ACSS3: variants seen among roughly 807,000 people sequenced by gnomAD.
ACSS3 encodes acyl-CoA synthetase short chain family member 3, also known as acyl-CoA synthetase short-chain family member 3, mitochondrial.
A neutral mutation model predicts 84.2 loss-of-function variants in ACSS3; 64 were observed. That is an observed-to-expected ratio of 0.76 (90% CI 0.62 to 0.94). ACSS3 has a LOEUF of 0.94. Among genes scored for constraint, ACSS3 ranks in the 40% least tolerant of loss-of-function variants. The pLI is 0.00. For missense variants in ACSS3, 815 were observed against 867.6 expected (o/e 0.94, Z 0.76); for synonymous variants, 317 against 310.1 (o/e 1.02, Z -0.23).
chr12:81,169,712 T>C (rs562449862), intron 7 of ACSS3, among the ~76,000 whole-genome samples: 105 of 152,288 alleles, frequency 6.9e-4, no homozygotes, highest in African/African-American at 2.5e-3. Context: ...GATAACTGCT[T>C]ATGTTTTAAC....
At chr12:81,133,000 T>C (rs1227819519) in intron 2 of ACSS3, among the ~76,000 whole-genome samples, 1 of 152,136 alleles carries the variant, frequency 6.6e-6, no homozygotes, top group African/African-American at 2.4e-5. Flanking sequence ...AGTTCATGAT[T>C]TTTATTACTT....
chr12:81,107,557 T>A (rs1383461999), intron 1 of ACSS3, among the ~76,000 whole-genome samples: 3 of 118,664 alleles, frequency 2.5e-5, no homozygotes, highest in South Asian at 5.4e-4. Flanking sequence ...TATATATATA[T>A]ATAAATGTTT....
At chr12:81,170,460 A>G (rs2029948213) in intron 7 of ACSS3, among the ~76,000 whole-genome samples, 1 of 152,124 alleles carries the variant, frequency 6.6e-6, no homozygotes, top group African/African-American at 2.4e-5. Flanking sequence ...GTTAAATTTT[A>G]TAGTTTCTAA....
chr12:81,093,442 G>A (rs549980726), intron 1 of ACSS3, among the ~76,000 whole-genome samples: 49 of 148,834 alleles, frequency 3.3e-4, no homozygotes, highest in African/African-American at 1.2e-3. Flanking sequence ...ATGACAGAGC[G>A]ACACTCTGTC....
intron 9 of ACSS3, among the ~76,000 whole-genome samples, chr12:81,204,356 TCCTC>T (rs1413369893): frequency 6.9e-6 from 1 of 145,866 alleles, no homozygotes; most frequent in Non-Finnish European, 1.5e-5. Context: ...TTCCCTCCCT[TCCTC>T]CCTCCCCCCT....
At position 81,174,957 on chromosome 12, in the gene ACSS3, A is replaced by C; in HGVS notation, c.1250+18A>C. On this transcript the variant is annotated intron_variant, in intron 8 of 15. Transcript: ENST00000548058. ...CTGACAAGGTGACGTTGGGATGCAC[A>C]GGGCAAATGACATTAGAAAGTGCAA... The C allele has an allele frequency of 1.2e-6, 2 of 1,608,552 alleles. No homozygotes were observed. The highest frequency in any genetic ancestry group is 2.2e-5 in the East Asian group (1 of 44,826).
intron 5 of ACSS3, among the ~76,000 whole-genome samples, chr12:81,148,897 T>TAAAAAAA (rs397851051): frequency 3.7e-5 from 3 of 81,832 alleles, no homozygotes; most frequent in African/African-American, 1.5e-4. Flanking sequence ...CTGCCTCTAC[T>TAAAAAAA]AAAAAAAAAA....
intron 11 of ACSS3, among the ~76,000 whole-genome samples, chr12:81,220,655 T>A (rs1921063): frequency 0.18 from 27,240 of 152,024 alleles, 2,627 homozygotes; most frequent in Middle Eastern, 0.22. Context: ...TGTGTACCCA[T>A]TATTTAGCTC....
chr12:81,219,141 T>G (rs1355370459), intron 10 of ACSS3, among the ~76,000 whole-genome samples: 1 of 152,142 alleles, frequency 6.6e-6, no homozygotes, highest in Non-Finnish European at 1.5e-5. Flanking sequence ...GGTTACAGAA[T>G]GTGCCTGGGG....
intron 2 of ACSS3, among the ~76,000 whole-genome samples, chr12:81,129,152 C>T (rs1458363120): frequency 2.0e-5 from 3 of 152,030 alleles, no homozygotes; most frequent in East Asian, 3.9e-4. Context: ...GGTGCAGCCT[C>T]ATTTAACTAA....
chr12:81,136,203 A>T (rs1041480410), intron 3 of ACSS3, among the ~76,000 whole-genome samples: 1 of 152,192 alleles, frequency 6.6e-6, no homozygotes, highest in African/African-American at 2.4e-5. Flanking sequence ...TGTCTGGCAT[A>T]TAGTACACAT....
chr12:81,114,546 A>G (rs937156938), intron 2 of ACSS3, among the ~76,000 whole-genome samples: 3 of 152,162 alleles, frequency 2.0e-5, no homozygotes, highest in Non-Finnish European at 2.9e-5. Flanking sequence ...GTCTTTGTTC[A>G]GGGGAAAGGA....
chr12:81,220,097 T>G (rs780632903), intron 11 of ACSS3, 21 bp downstream of exon 11: 12 of 1,500,102 alleles, frequency 8.0e-6, no homozygotes, highest in Non-Finnish European at 1.1e-5. Context: ...ATTTCAATAC[T>G]ACTATATTAA....
At chr12:81,114,695 G>A (rs543841819) in intron 2 of ACSS3, among the ~76,000 whole-genome samples, 2 of 152,116 alleles carry the variant, frequency 1.3e-5, no homozygotes, top group East Asian at 3.9e-4. Context: ...GGTAAATAGG[G>A]GAATGATGCT....
chr12:81,114,660 AAGTTAAATTACCTTTTCC>A (rs1278048339), intron 2 of ACSS3, among the ~76,000 whole-genome samples: 2 of 152,128 alleles, frequency 1.3e-5, no homozygotes, highest in African/African-American at 4.8e-5. Flanking sequence ...GTGTCTCTGT[AAGTTAAATTACCTTTTCC>A]ATGCTTGGTA....
Position 81,199,391 on chromosome 12 carries a change from A to G in ACSS3, c.1301A>G (p.Glu434Gly), listed in dbSNP as rs2031995745. 1.2e-6 allele frequency: 2 copies of G among 1,613,670 alleles called. No individual in the cohort carries two copies. The highest frequency in any genetic ancestry group is 1.3e-5 in the African/African-American group (1 of 74,912). The change falls in exon 9 of 16, where the codon GAA (glutamate) becomes GGA (glycine). Residue 434 changes from glutamate to glycine, a missense_variant. Physicochemically the swap from Glu to Gly is moderately conservative, Grantham distance 98. Transcript: ENST00000548058. ...AGERCDVETL[E>G]WSKNVFRVPV... ...GAACGATGTGATGTAGAGACCCTGG[A>G]ATGGTCCAAAAATGTCTTCAGAGTA... is the stretch of plus-strand genomic sequence containing the variant.
At chr12:81,224,946 C>A (rs1921068) in intron 11 of ACSS3, among the ~76,000 whole-genome samples, 1 of 151,672 alleles carries the variant, frequency 6.6e-6, no homozygotes, top group Non-Finnish European at 1.5e-5. Context: ...CACAATAGTA[C>A]TGATGCTGGC....
chr12:81,228,417 A>G (rs2033341903), intron 11 of ACSS3, among the ~76,000 whole-genome samples: 1 of 151,814 alleles, frequency 6.6e-6, no homozygotes, highest in Non-Finnish European at 1.5e-5. Flanking sequence ...TTGTGCAGAT[A>G]TTTAAAGTTT....
intron 13 of ACSS3, among the ~76,000 whole-genome samples, chr12:81,251,038 A>G (rs2034133944): frequency 6.6e-6 from 1 of 152,054 alleles, no homozygotes; most frequent in Non-Finnish European, 1.5e-5. Flanking sequence ...TGTGTCACCC[A>G]CTCTCAACAA....
Sources: gnomAD v4.1 joint callset for allele counts (sites outside exome capture counted in the v4.1 genomes callset) on GRCh38, gnomAD v4.1.1 for gene constraint, MANE v1.5 for transcripts, NCBI Gene and HGNC (gene_info 2026-07-23, HGNC 2026-07-21) for gene names.